The following ZNF672 variants were observed in gnomAD, a reference collection of about 807,000 sequenced individuals.
ZNF672 encodes the protein zinc finger protein 672.
For missense variants in ZNF672, 733 were observed against 701.1 expected (o/e 1.05, Z -0.51); for synonymous variants, 358 against 305.6 (o/e 1.17, Z -1.79).
In ZNF672 at chr1:248,847,115, A is replaced by T; in HGVS notation, c.-160A>T. ...GGAACAGCCACAATGTCTGCCCCTT[A>T]GAGAAGAACCCTGAAATCAGACCAG... On this transcript the variant is annotated 5_prime_UTR_variant, in exon 4 of 4. The change abolishes the stop of an existing upstream ORF in the 5' untranslated region. Coordinates refer to ENST00000306562, the MANE Select transcript of ZNF672 (RefSeq NM_024836.3). The T allele has an allele frequency of 4.2e-6, 4 of 955,428 alleles. No homozygotes were observed. The highest frequency in any genetic ancestry group is 6.1e-6 in the Non-Finnish European group (4 of 658,688). The allele number at this position is 955,428 out of a possible 1,614,324, so 59.2% of individuals were successfully genotyped here.
Position 248,848,797 on chromosome 1 carries a change from C to G in ZNF672, c.*164C>G, listed in dbSNP as rs755126230. The G allele has an allele frequency of 3.0e-6, 3 of 1,016,518 alleles. No individual in the cohort carries two copies. The highest frequency in any genetic ancestry group is 2.3e-4 in the Middle Eastern group (1 of 4,408). 63.0% of individuals were successfully genotyped at this position (1,016,518 alleles called of 1,614,324 possible). A position where few individuals can be genotyped will look rare whatever the true frequency, so the allele number is the denominator to read the frequency against. On this transcript the variant is annotated 3_prime_UTR_variant, in exon 4 of 4. Transcript: ENST00000306562. ...CAGCCCTTCACGTAGCCTCCTGCCT[C>G]GCCTCTACACCTACTACCCTGTCGG...
chr1:248,845,384 G>A (rs956632441), intron 2 of ZNF672, among the ~76,000 whole-genome samples, 182 bp from the exon 3 acceptor site: 2 of 152,122 alleles, frequency 1.3e-5, no homozygotes. Context: ...AAAAAGTGGA[G>A]TGGGGGTGTG....
chr1:248,848,425 T>C lies in ZNF672; in HGVS notation c.1151T>C (p.Leu384Pro). 6.2e-7 allele frequency: 1 copy of C among 1,606,884 alleles called. No homozygotes were observed. ...KAFSVASKLA[L>P]HRKTHLGERP... ...TTCAGCGTCGCCTCCAAGCTTGCAC[T>C]GCACCGCAAGACGCACCTGGGCGAA... is the stretch of plus-strand genomic sequence containing the variant. The change falls in exon 4 of 4, where the codon CTG (leucine) becomes CCG (proline). Residue 384 changes from leucine (L) to proline (P), a missense_variant. Coordinates refer to ENST00000306562, the MANE Select transcript of ZNF672 (RefSeq NM_024836.3).
intron 1 of ZNF672, among the ~76,000 whole-genome samples, chr1:248,840,344 G>A (rs1228648336): frequency 1.3e-5 from 2 of 152,054 alleles, no homozygotes; most frequent in Non-Finnish European, 2.9e-5. Flanking sequence ...TGCCCACCCC[G>A]GCCTCCCAAA....
intron 1 of ZNF672, among the ~76,000 whole-genome samples, chr1:248,840,807 G>A (rs989866940): frequency 6.6e-6 from 1 of 151,188 alleles, no homozygotes; most frequent in African/African-American, 2.4e-5. Context: ...TACGATGACT[G>A]TAGTCAGAGT....
intron 1 of ZNF672, among the ~76,000 whole-genome samples, chr1:248,841,994 T>C (rs1664686354): frequency 6.6e-6 from 1 of 152,174 alleles, no homozygotes; most frequent in Admixed American, 6.5e-5. Context: ...CAAACTGTCA[T>C]TCCTATTTCC....
Position 248,847,477 on chromosome 1 carries a change from C to G in ZNF672, c.203C>G (p.Thr68Ser). ...CACAGGCGCACGCATGCTGGCCAGA[C>G]CCTCTACATCTGCAGTGAGTGCGGA... ...RAHRRTHAGQ[T>S]LYICSECGQS... Residue 68 changes from threonine (T) to serine (S), a missense_variant, in exon 4 of 4, where the codon ACC becomes AGC. Physicochemically the swap from Thr to Ser is moderately conservative, Grantham distance 58. Transcript: ENST00000306562. 1 of 1,595,622 alleles carries G rather than the reference C, an allele frequency of 6.3e-7. No individual in the cohort carries two copies. Among genetic ancestry groups the G allele is most frequent in the South Asian group, 1.1e-5 (1 of 88,454 alleles).
rs751528870 is a variant in ZNF672, at chr1:248,847,582, C to G, written c.308C>G (p.Thr103Arg). Residue 103 changes from threonine (T) to arginine (R), a missense_variant, in exon 4 of 4, where the codon ACA becomes AGA. Physicochemically the swap from Thr to Arg is moderately conservative, Grantham distance 71. Transcript: ENST00000306562. ...CGATGCCGCACTTGCCCCTGCCGCA[C>G]ATGCGGCCGGCGCTTCCCGCACCTC... ...RQRCRTCPCR[T>R]CGRRFPHLPA... 5.8e-6 allele frequency: 9 copies of G among 1,564,396 alleles called. No homozygotes were observed. The highest frequency in any genetic ancestry group is 4.1e-5 in the African/African-American group (3 of 73,812).
At chr1:248,839,522 T>A (rs770751814) in intron 1 of ZNF672, 2 of 152,188 alleles carry the variant, frequency 1.3e-5, no homozygotes, top group Non-Finnish European at 1.5e-5. Context: ...CACCTGCTCA[T>A]AGTCCCAGCT....
Position 248,848,719 on chromosome 1 carries a change from A to G in ZNF672, c.*86A>G. ...CGGGGACAGTTGAGGCAACTCGTAG[A>G]TGGAGATTTGGGAAAAGACGATGTG... On this transcript the variant is annotated 3_prime_UTR_variant, in exon 4 of 4. Coordinates refer to ENST00000306562, the MANE Select transcript of ZNF672 (RefSeq NM_024836.3). 6.8e-7 allele frequency: 1 copy of G among 1,478,068 alleles called. No homozygotes were observed. Among genetic ancestry groups the G allele is most frequent in the Non-Finnish European group, 9.0e-7 (1 of 1,112,988 alleles). The allele number at this position is 1,478,068 out of a possible 1,614,324, so 91.6% of individuals were successfully genotyped here. A position where few individuals can be genotyped will look rare whatever the true frequency, so the allele number is the denominator to read the frequency against.
intron 1 of ZNF672, among the ~76,000 whole-genome samples, chr1:248,840,328 G>A (rs962995162): frequency 1.3e-5 from 2 of 152,000 alleles, no homozygotes; most frequent in African/African-American, 4.8e-5. Flanking sequence ...CTGACCTCAG[G>A]TGATCTGCCC....
In ZNF672 at chr1:248,847,586, C is replaced by T. The variant is rs369735418; in HGVS notation, c.312C>T (p.Cys104=). ...QRCRTCPCRT[C]GRRFPHLPAL... ...GCCGCACTTGCCCCTGCCGCACATG[C>T]GGCCGGCGCTTCCCGCACCTCCCGG... Residue 104 remains cysteine (C), a synonymous_variant, in exon 4 of 4, where the codon TGC becomes TGT. Coordinates refer to ENST00000306562, the MANE Select transcript of ZNF672 (RefSeq NM_024836.3). The T allele has an allele frequency of 1.4e-4, 213 of 1,558,544 alleles. No homozygotes were observed. Among genetic ancestry groups the T allele is most frequent in the Non-Finnish European group, 1.3e-4 (155 of 1,156,780 alleles).
rs2103026108 is a variant in ZNF672 at position 248,838,400 on chromosome 1, C to T, written c.-626C>T. 1 of 152,350 alleles carries T rather than the reference C, an allele frequency of 6.6e-6. No homozygotes were observed. Among genetic ancestry groups the T allele is most frequent in the East Asian group, 1.9e-4 (1 of 5,162 alleles). 9.4% of individuals were successfully genotyped at this position (152,350 alleles called of 1,614,324 possible). On this transcript the variant is annotated 5_prime_UTR_variant, in exon 1 of 4. Coordinates refer to ENST00000306562, the MANE Select transcript of ZNF672 (RefSeq NM_024836.3). ...CCTCCCCATCCCGAGGGGCCGGACG[C>T]TCGGGCGCCTCCCCGCTCCCCCCAC...
intron 1 of ZNF672, among the ~76,000 whole-genome samples, chr1:248,840,324 T>C (rs140488012): frequency 0.011 from 1,700 of 152,138 alleles, 15 homozygotes; most frequent in Non-Finnish European, 0.017. Context: ...ACTCCTGACC[T>C]CAGGTGATCT....
At position 248,848,125 on chromosome 1, in the gene ZNF672, C is replaced by A. The variant is rs200477911; in HGVS notation, c.851C>A (p.Ala284Glu). 1 of 1,562,156 alleles carries A rather than the reference C, an allele frequency of 6.4e-7. No individual in the cohort carries two copies. Residue 284 changes from alanine to glutamate, a missense_variant, in exon 4 of 4, where the codon GCG (alanine) becomes GAG (glutamate). Physicochemically the swap from Ala to Glu is moderately radical, Grantham distance 107 (BLOSUM62 -1). Transcript: ENST00000306562. ...RRSHQGERPHACATCGKGFGQ... is the reference protein window; with the variant it reads ...RRSHQGERPHECATCGKGFGQ... ...AGCCATCAGGGCGAGCGGCCACATG[C>A]GTGCGCCACTTGCGGCAAGGGTTTC...
rs201669580 is a variant in ZNF672 at position 248,848,093 on chromosome 1, T to A, written c.819T>A (p.His273Gln). The change falls in exon 4 of 4, where the codon CAT (histidine) becomes CAA (glutamine). Residue 273 changes from histidine to glutamine, a missense_variant. Transcript: ENST00000306562. The part of the protein sequence containing the change: ...CFSESSTLLR[H>Q]RRSHQGERPH... ...GCGAGAGTTCCACGCTGCTGCGCCA[T>A]CGGCGCAGCCATCAGGGCGAGCGGC... 1.3e-6 allele frequency: 2 copies of A among 1,549,512 alleles called. No individual in the cohort carries two copies. The highest frequency in any genetic ancestry group is 3.9e-5 in the Admixed American group (2 of 51,234).
Position 248,848,781 on chromosome 1 carries a change from A to G in ZNF672, c.*148A>G. ...TTCCAGTTTCTGTTGGCAGCCCTTC[A>G]CGTAGCCTCCTGCCTCGCCTCTACA... On this transcript the variant is annotated 3_prime_UTR_variant, in exon 4 of 4. Coordinates refer to ENST00000306562, the MANE Select transcript of ZNF672 (RefSeq NM_024836.3). 1 of 1,202,700 alleles carries G rather than the reference A, an allele frequency of 8.3e-7. No homozygotes were observed. The highest frequency in any genetic ancestry group is 1.2e-6 in the Non-Finnish European group (1 of 850,468). The allele number at this position is 1,202,700 out of a possible 1,614,324, so 74.5% of individuals were successfully genotyped here.
chr1:248,846,973 T>A (rs1479880005), intron 3 of ZNF672, 79 bp from the exon 4 acceptor site: 11 of 352,134 alleles, frequency 3.1e-5, no homozygotes, highest in Non-Finnish European at 1.0e-5. Context: ...AAAGAAGTTA[T>A]AACAAATAGG....
At chr1:248,838,903 C>T (rs576030509) in intron 1 of ZNF672, 1 of 152,328 alleles carries the variant, frequency 6.6e-6, no homozygotes, top group African/African-American at 2.4e-5. Context: ...GTTTTTGGTG[C>T]CCGGTCTCGC....
Sources: allele counts gnomAD v4.1 joint callset (sites outside exome capture counted in the v4.1 genomes callset), GRCh38; gene constraint gnomAD v4.1.1; transcripts MANE v1.5; gene names NCBI Gene and HGNC (gene_info 2026-07-23, HGNC 2026-07-21).